STX18: variants seen among roughly 807,000 people sequenced by gnomAD.
The protein encoded by STX18 is syntaxin 18.
STX18 carries 40 observed loss-of-function variants against 50.1 expected under a neutral mutation model. The observed-to-expected ratio is 0.80, with a 90% CI of 0.62 to 1.04. The LOEUF (loss-of-function observed/expected upper bound fraction) is 1.04, where lower values mean the gene tolerates loss of function less well. Ranked by LOEUF, STX18 falls within the 50% of genes least tolerant of loss-of-function variation. The pLI, the probability that STX18 is intolerant of heterozygous loss-of-function variation, is 0.00. For missense variants in STX18, 410 were observed against 415.8 expected, an observed-to-expected ratio of 0.99 and a Z score of 0.12; for synonymous variants, 158 against 151.8, an observed-to-expected ratio of 1.04 and a Z score of -0.30.
chr4:4,427,151 A>G (rs184823313), intron 7 of STX18, among the ~76,000 whole-genome samples: 108 of 152,284 alleles, frequency 7.1e-4, no homozygotes, highest in African/African-American at 2.5e-3. Context: ...GGCCTCACAC[A>G]TGACAGAACA....
chr4:4,458,232 G>T (rs1727185853), intron 3 of STX18, among the ~76,000 whole-genome samples: 1 of 152,182 alleles, frequency 6.6e-6, no homozygotes, highest in Admixed American at 6.5e-5. Flanking sequence ...AATAGCCCAA[G>T]GTTAGATGGT....
intron 7 of STX18, among the ~76,000 whole-genome samples, chr4:4,431,359 C>T (rs1054725965): frequency 2.6e-5 from 4 of 152,106 alleles, no homozygotes; most frequent in African/African-American, 4.8e-5. Context: ...TCATATAAAC[C>T]GGTGAAAACC....
At chr4:4,421,042 C>T (rs528369305) in intron 9 of STX18, 98 bp from the exon 10 acceptor site, 45 of 1,241,182 alleles carry the variant, frequency 3.6e-5, no homozygotes, top group African/African-American at 1.0e-4. Flanking sequence ...GTCATGTCAG[C>T]GCTCAGAAAG....
At chr4:4,531,263 T>C (rs1304217329) in intron 1 of STX18, among the ~76,000 whole-genome samples, 1 of 152,132 alleles carries the variant, frequency 6.6e-6, no homozygotes, top group Non-Finnish European at 1.5e-5. Context: ...GCTGCCAAAG[T>C]GAGCATTAAA....
chr4:4,506,084 G>A (rs955562287), intron 1 of STX18, among the ~76,000 whole-genome samples: 12 of 152,140 alleles, frequency 7.9e-5, no homozygotes, highest in African/African-American at 2.4e-4. Flanking sequence ...TACTCAGATT[G>A]TTTTCACTAC....
intron 1 of STX18, among the ~76,000 whole-genome samples, chr4:4,519,920 T>G (rs1417275445): frequency 6.6e-6 from 1 of 152,190 alleles, no homozygotes; most frequent in African/African-American, 2.4e-5. Context: ...TTAGGATTGG[T>G]GAGCCAAGCC....
chr4:4,533,672 A>T (rs958934183), intron 1 of STX18, among the ~76,000 whole-genome samples: 6 of 152,230 alleles, frequency 3.9e-5, no homozygotes, highest in African/African-American at 1.4e-4. Context: ...ATGTAGAAAA[A>T]TCTGGTTCTT....
intron 1 of STX18, among the ~76,000 whole-genome samples, chr4:4,481,284 G>C (rs1430380295): frequency 6.6e-6 from 1 of 152,152 alleles, no homozygotes; most frequent in African/African-American, 2.4e-5. Flanking sequence ...CCCTTCCCAG[G>C]ATGATAGAAA....
At chr4:4,427,729 A>G (rs1250049222) in intron 7 of STX18, among the ~76,000 whole-genome samples, 1 of 152,228 alleles carries the variant, frequency 6.6e-6, no homozygotes, top group Non-Finnish European at 1.5e-5. Flanking sequence ...CCTGTGGTAT[A>G]AGGCACTTAG....
At chr4:4,526,749 G>T (rs548996738) in intron 1 of STX18, among the ~76,000 whole-genome samples, 4 of 148,748 alleles carry the variant, frequency 2.7e-5, no homozygotes, top group Non-Finnish European at 6.0e-5. Flanking sequence ...GCAGGAGGAC[G>T]CTTGAGCCCA....
At chr4:4,531,422 G>T (rs1251224975) in intron 1 of STX18, among the ~76,000 whole-genome samples, 1 of 152,064 alleles carries the variant, frequency 6.6e-6, no homozygotes, top group Non-Finnish European at 1.5e-5. Flanking sequence ...GTTATTACTA[G>T]AAACTCTTTT....
intron 5 of STX18, among the ~76,000 whole-genome samples, chr4:4,443,330 A>G (rs1345257084): frequency 6.6e-6 from 1 of 152,254 alleles, no homozygotes; most frequent in Admixed American, 6.5e-5. Flanking sequence ...GCTGTAAAAT[A>G]GAATGTATAC....
rs528775703 is a variant in STX18 at position 4,521,152 on chromosome 4, T to C, written c.168+20645A>G. On this transcript the variant is annotated intron_variant, in intron 1 of 10. Coordinates refer to ENST00000306200, the MANE Select transcript of STX18 (RefSeq NM_016930.4). ...ATGCAAAAGTCTGGCAAAATCCTCA[T>C]AGGCAAAAAGAAAAAGTTACTGAAT... Among the ~76,000 whole-genome samples, 15 of 152,092 alleles carry C rather than the reference T, an allele frequency of 9.9e-5. No individual in the cohort carries two copies. The East Asian group carries it at 1.7e-3, about 18-fold the overall frequency.
At chr4:4,529,437 C>T (rs1217983480) in intron 1 of STX18, among the ~76,000 whole-genome samples, 1 of 151,720 alleles carries the variant, frequency 6.6e-6, no homozygotes, top group Non-Finnish European at 1.5e-5. Flanking sequence ...AGCCATATTT[C>T]CCCAAAAGTT....
At chr4:4,422,059 C>T (rs1724996486) in intron 9 of STX18, among the ~76,000 whole-genome samples, 1 of 152,072 alleles carries the variant, frequency 6.6e-6, no homozygotes, top group African/African-American at 2.4e-5. Context: ...AGAAACCTGA[C>T]TGACACATTG....
At chr4:4,441,663 A>G (rs895516573) in intron 5 of STX18, among the ~76,000 whole-genome samples, 3 of 152,208 alleles carry the variant, frequency 2.0e-5, no homozygotes, top group Non-Finnish European at 4.4e-5. Flanking sequence ...AAATATAAAG[A>G]TGTTGGTTCT....
chr4:4,432,997 T>C (rs533178269), intron 7 of STX18, among the ~76,000 whole-genome samples: 303 of 152,310 alleles, frequency 2.0e-3, no homozygotes, highest in African/African-American at 6.7e-3. Flanking sequence ...TGTGTCAGTG[T>C]GCCACGCTGC....
intron 1 of STX18, among the ~76,000 whole-genome samples, chr4:4,489,394 T>A (rs57175620): frequency 4.8e-5 from 2 of 41,654 alleles, no homozygotes; most frequent in Non-Finnish European, 4.0e-5. Context: ...CAAAATAATT[T>A]TTTTTTTTTT....
intron 1 of STX18, among the ~76,000 whole-genome samples, chr4:4,537,472 A>G (rs1159710662): frequency 1.3e-5 from 2 of 152,154 alleles, no homozygotes; most frequent in Admixed American, 1.3e-4. Context: ...AATTAAAGAA[A>G]CATTCCTCTG....
Sources: allele counts gnomAD v4.1 joint callset (sites outside exome capture counted in the v4.1 genomes callset), GRCh38; gene constraint gnomAD v4.1.1; transcripts MANE v1.5; gene names NCBI Gene and HGNC (gene_info 2026-07-23, HGNC 2026-07-21).